Variants in GSKIP observed in about 807,000 individuals in gnomAD.
The protein encoded by GSKIP is GSK3B-interacting protein.
GSKIP carries 5 observed loss-of-function variants against 11.9 expected under a neutral mutation model. The observed-to-expected ratio is 0.42, with a 90% CI of 0.22 to 0.89. The LOEUF is 0.89. GSKIP is among the 40% of genes least tolerant of loss of function. The pLI is 0.29. For synonymous variants in GSKIP, 70 were observed against 62.9 expected, an observed-to-expected ratio of 1.11 and a Z score of -0.54; for missense variants, 150 against 166.6, an observed-to-expected ratio of 0.90 and a Z score of 0.55.
chr14:96,385,540 T>A lies in GSKIP; in HGVS notation c.276T>A (p.Phe92Leu). Reference protein sequence around the residue: ...EAGLKVVGYAFDQVDDHLQTP... With the variant: ...EAGLKVVGYALDQVDDHLQTP... ...TCTTGTAGGTGGTAGGCTATGCTTT[T>A]GACCAGGTAGATGATCATTTACAGA... Residue 92 changes from phenylalanine to leucine, a missense_variant, in exon 4 of 4, where the codon TTT becomes TTA. By Grantham distance (22) the Phe-to-Leu change is conservative. Coordinates refer to ENST00000555181, the MANE Select transcript of GSKIP (RefSeq NM_016472.5). 6.2e-7 allele frequency: 1 copy of A among 1,612,006 alleles called. No homozygotes were observed. Among genetic ancestry groups the A allele is most frequent in the Non-Finnish European group, 8.5e-7 (1 of 1,179,288 alleles).
At chr14:96,375,415 G>T (rs1595348652) in intron 1 of GSKIP, among the ~76,000 whole-genome samples, 1 of 148,146 alleles carries the variant, frequency 6.8e-6, no homozygotes. Flanking sequence ...ATAAAGAAAA[G>T]AAATTTATTT....
In GSKIP at chr14:96,382,425, G is replaced by A; in HGVS notation, c.178G>A (p.Ala60Thr). The change falls in exon 3 of 4, where the codon GCG (alanine) becomes ACG (threonine). Residue 60 changes from alanine to threonine, a missense_variant. Physicochemically the swap from Ala to Thr is moderately conservative, Grantham distance 58 (BLOSUM62 0). Transcript: ENST00000555181. ...NMFVSKSLRC[A>T]DDVAYINVET... ...GTTTGTCTCGAAAAGCCTGCGGTGT[G>A]CGGATGATGTGGCCTATATCAATGT... 1 of 1,613,536 alleles carries A rather than the reference G, an allele frequency of 6.2e-7. No individual in the cohort carries two copies. The highest frequency in any genetic ancestry group is 8.5e-7 in the Non-Finnish European group (1 of 1,179,520).
chr14:96,365,848 A>G (rs1888867137), intron 1 of GSKIP, among the ~76,000 whole-genome samples: 1 of 151,890 alleles, frequency 6.6e-6, no homozygotes, highest in East Asian at 1.9e-4. Flanking sequence ...AAATAAAAAG[A>G]ACTTTGGCCT....
chr14:96,378,354 A>G lies in GSKIP; in HGVS notation c.-102-1334A>G, dbSNP rs12385899. Among the ~76,000 whole-genome samples, 748 of 152,306 alleles carry G rather than the reference A, an allele frequency of 4.9e-3. 12 individuals are homozygous for G. The highest frequency in any genetic ancestry group is 0.017 in the African/African-American group (690 of 41,562). On this transcript the variant is annotated intron_variant, in intron 1 of 3. Transcript: ENST00000555181. ...TAAATAAATAACTCTCCAAAAAAAA[A>G]GGAAGAGCAGAAAAAGAAGTCATTT... is the stretch of plus-strand genomic sequence containing the variant.
At chr14:96,379,469 A>G (rs1889289433) in intron 1 of GSKIP, among the ~76,000 whole-genome samples, 1 of 152,216 alleles carries the variant, frequency 6.6e-6, no homozygotes, top group African/African-American at 2.4e-5. Flanking sequence ...AGGCAGGGAA[A>G]AGGATATTGG....
chr14:96,365,534 G>A (rs1252642831), intron 1 of GSKIP, among the ~76,000 whole-genome samples: 1 of 151,534 alleles, frequency 6.6e-6, no homozygotes. Context: ...GTAGGCCATT[G>A]ATAAGAACTT....
At chr14:96,367,678 G>A (rs1477969928) in intron 1 of GSKIP, among the ~76,000 whole-genome samples, 2 of 152,116 alleles carry the variant, frequency 1.3e-5, no homozygotes, top group Admixed American at 6.6e-5. Flanking sequence ...AAGAATAAAC[G>A]ATTTAGTAAT....
intron 3 of GSKIP, among the ~76,000 whole-genome samples, chr14:96,383,515 A>C (rs548397670): frequency 2.6e-5 from 4 of 152,226 alleles, no homozygotes; most frequent in Non-Finnish European, 4.4e-5. Flanking sequence ...AGAAAATGTC[A>C]TACATTTCTG....
In GSKIP at chr14:96,376,832, C is replaced by T. The variant is rs1238642961; in HGVS notation, c.-102-2856C>T. Among the ~76,000 whole-genome samples, 7 of 152,062 alleles carry T rather than the reference C, an allele frequency of 4.6e-5. No individual in the cohort carries two copies. The South Asian group carries it at 6.2e-4, about 14-fold the overall frequency. On this transcript the variant is annotated intron_variant, in intron 1 of 3. Coordinates refer to ENST00000555181, the MANE Select transcript of GSKIP (RefSeq NM_016472.5). Reference sequence around the variant, plus strand: ...AAAAAAAAGTCGGCTATGTAGGTACCGAGTGGATTATGATATTTGATTAAT... The same window carrying T: ...AAAAAAAAGTCGGCTATGTAGGTACTGAGTGGATTATGATATTTGATTAAT...
At chr14:96,374,538 A>AT (rs1022771503) in intron 1 of GSKIP, among the ~76,000 whole-genome samples, 5 of 152,162 alleles carry the variant, frequency 3.3e-5, no homozygotes, top group Non-Finnish European at 5.9e-5. Flanking sequence ...CATCTTTTTA[A>AT]TTTTTTTATT....
chr14:96,383,484 A>T (rs549920707), intron 3 of GSKIP, among the ~76,000 whole-genome samples: 2 of 152,178 alleles, frequency 1.3e-5, no homozygotes, highest in African/African-American at 4.8e-5. Context: ...TAACCTTACT[A>T]ATCAGTGAAT....
chr14:96,385,335 A>G (rs1280331778), intron 3 of GSKIP, among the ~76,000 whole-genome samples, 188 bp from the exon 4 acceptor site: 1 of 152,222 alleles, frequency 6.6e-6, no homozygotes, highest in African/African-American at 2.4e-5. Context: ...TAAAGGTTGT[A>G]TTTAAAATGT....
Position 96,382,172 on chromosome 14 carries a change from A to C in GSKIP, c.-1-75A>C. 3 of 1,022,010 alleles carry C rather than the reference A, an allele frequency of 2.9e-6. No homozygotes were observed. In the South Asian group the frequency reaches 5.1e-5, roughly 17 times the overall value. The allele number at this position is 1,022,010 out of a possible 1,614,324, so 63.3% of individuals were successfully genotyped here. A position where few individuals can be genotyped will look rare whatever the true frequency, so the allele number is the denominator to read the frequency against. On this transcript the variant is annotated intron_variant, in intron 2 of 3. Transcript: ENST00000555181. Reference sequence around the variant, plus strand: ...TAAGGAGCAATTGTAAGGCATAGCTAATTTTAATCAAATGTAGTAGTTTGA... The same window carrying C: ...TAAGGAGCAATTGTAAGGCATAGCTCATTTTAATCAAATGTAGTAGTTTGA...
chr14:96,370,261 A>G (rs1408921899), intron 1 of GSKIP, among the ~76,000 whole-genome samples: 2 of 152,200 alleles, frequency 1.3e-5, no homozygotes, highest in Admixed American at 6.5e-5. Context: ...CTTGAGTCTC[A>G]TAAGAATTTG....
chr14:96,382,059 A>G (rs1471139015), intron 2 of GSKIP, among the ~76,000 whole-genome samples, 188 bp from the exon 3 acceptor site: 2 of 152,130 alleles, frequency 1.3e-5, no homozygotes, highest in South Asian at 2.1e-4. Context: ...TTGAAGATCT[A>G]TGGGTGTCGG....
At chr14:96,368,225 C>T (rs568056831) in intron 1 of GSKIP, among the ~76,000 whole-genome samples, 1 of 147,486 alleles carries the variant, frequency 6.8e-6, no homozygotes, top group Non-Finnish European at 1.5e-5. Flanking sequence ...CTTTGTCACT[C>T]AGACTGGAGT....
intron 1 of GSKIP, chr14:96,364,607 A>G (rs1888814748): frequency 1.3e-5 from 2 of 152,246 alleles, no homozygotes; most frequent in South Asian, 2.1e-4. Context: ...TTTTAGAACC[A>G]GGGTACTTTG....
At chr14:96,376,782 A>G (rs1410985079) in intron 1 of GSKIP, among the ~76,000 whole-genome samples, 2 of 152,246 alleles carry the variant, frequency 1.3e-5, no homozygotes, top group African/African-American at 4.8e-5. Context: ...ACCAGTAGAT[A>G]TCTTTTATTA....
chr14:96,365,652 G>GT (rs1476549885), intron 1 of GSKIP, among the ~76,000 whole-genome samples: 3 of 151,842 alleles, frequency 2.0e-5, no homozygotes, highest in Admixed American at 2.0e-4. Flanking sequence ...CCAACATGGT[G>GT]AAACCCTGTC....
Sources: allele counts gnomAD v4.1 joint callset (sites outside exome capture counted in the v4.1 genomes callset), GRCh38; gene constraint gnomAD v4.1.1; transcripts MANE v1.5; gene names NCBI Gene and HGNC (gene_info 2026-07-23, HGNC 2026-07-21).